DCAF8L2: variants seen among roughly 807,000 people sequenced by gnomAD.
The protein encoded by DCAF8L2 is DDB1- and CUL4-associated factor 8-like protein 2.
For synonymous variants in DCAF8L2, 200 were observed against 190.9 expected (o/e 1.05, Z -0.39); for missense variants, 430 against 490.7 (o/e 0.88, Z 1.17).
At chrX:27,642,978 A>C (rs1371782750) in intron 2 of DCAF8L2, among the ~76,000 whole-genome samples, 1 of 111,705 alleles carries the variant, frequency 9.0e-6, no homozygotes, top group Non-Finnish European at 1.9e-5. Flanking sequence ...TTTACCTTTT[A>C]ATATGATATT....
chrX:27,635,786 C>CGT (rs754830405), intron 2 of DCAF8L2, among the ~76,000 whole-genome samples: 7,113 of 90,089 alleles, frequency 0.079, 282 homozygotes, highest in East Asian at 0.094. Context: ...TTTCCTTTTA[C>CGT]GTGTGTGTGT....
intron 4 of DCAF8L2, among the ~76,000 whole-genome samples, chrX:27,729,891 T>C (rs1921089581): frequency 9.0e-6 from 1 of 111,727 alleles, no homozygotes; most frequent in Non-Finnish European, 1.9e-5. Flanking sequence ...AGATGAAAAA[T>C]ACTGAGTCCT....
chrX:27,480,953 G>A, the DCAF8L2 span, among the ~76,000 whole-genome samples: 1 of 112,027 alleles, frequency 8.9e-6, no homozygotes, highest in Non-Finnish European at 1.9e-5. Flanking sequence ...AACATTTCAG[G>A]AAGAATGTGT....
chrX:27,573,104 C>T, the DCAF8L2 span, among the ~76,000 whole-genome samples: 1 of 110,910 alleles, frequency 9.0e-6, no homozygotes, highest in Non-Finnish European at 1.9e-5. Flanking sequence ...ATATAGCTAC[C>T]AACACACTTT....
At chrX:27,486,624 C>T in the DCAF8L2 span, among the ~76,000 whole-genome samples, 1 of 111,246 alleles carries the variant, frequency 9.0e-6, no homozygotes, top group Non-Finnish European at 1.9e-5. Flanking sequence ...GCCATTGTCC[C>T]CTTTTCATGT....
intron 4 of DCAF8L2, among the ~76,000 whole-genome samples, chrX:27,734,730 C>A (rs1921421921): frequency 9.0e-6 from 1 of 111,666 alleles, no homozygotes; most frequent in African/African-American, 3.3e-5. Context: ...ATCTGTATTT[C>A]ATATATTACC....
the DCAF8L2 span, among the ~76,000 whole-genome samples, chrX:27,528,098 T>C: frequency 1.6e-4 from 9 of 57,437 alleles, no homozygotes; most frequent in Admixed American, 1.9e-3. Context: ...TAGACTAATT[T>C]TTAATTTAAT....
At chrX:27,487,666 C>G in the DCAF8L2 span, among the ~76,000 whole-genome samples, 1 of 112,388 alleles carries the variant, frequency 8.9e-6, no homozygotes, top group South Asian at 3.6e-4. Flanking sequence ...ATAAGATTCA[C>G]TGTTTTTAAG....
intron 2 of DCAF8L2, among the ~76,000 whole-genome samples, chrX:27,660,085 C>T (rs899588191): frequency 2.7e-5 from 3 of 111,649 alleles, no homozygotes; most frequent in Non-Finnish European, 5.6e-5. Flanking sequence ...TGCAACGGCG[C>T]GATCTCAGCT....
intron 1 of DCAF8L2, among the ~76,000 whole-genome samples, chrX:27,608,743 G>C (rs769521162): frequency 9.2e-6 from 1 of 109,248 alleles, no homozygotes; most frequent in African/African-American, 3.3e-5. Flanking sequence ...ACAGAAGAAG[G>C]TTCCTTCTCT....
the DCAF8L2 span, chrX:27,517,659 A>G: frequency 6.6e-6 from 4 of 610,529 alleles, no homozygotes; most frequent in Admixed American, 4.5e-5. Flanking sequence ...TCAAACTGGT[A>G]TAAGTGCTTT....
At chrX:27,492,520 C>T in the DCAF8L2 span, among the ~76,000 whole-genome samples, 1 of 103,411 alleles carries the variant, frequency 9.7e-6, no homozygotes, top group Non-Finnish European at 2.0e-5. Flanking sequence ...GCTCTTGTCA[C>T]CCAGGCTGGA....
intron 3 of DCAF8L2, among the ~76,000 whole-genome samples, chrX:27,706,272 T>C (rs935520904): frequency 9.0e-6 from 1 of 111,176 alleles, no homozygotes; most frequent in African/African-American, 3.3e-5. Context: ...ATTTTTGGCA[T>C]AGTATTGCCT....
chrX:27,549,364 T>C, the DCAF8L2 span, among the ~76,000 whole-genome samples: 8 of 109,270 alleles, frequency 7.3e-5, no homozygotes, highest in African/African-American at 2.6e-4. Context: ...TAATGATATT[T>C]AACTAACTGC....
chrX:27,566,505 G>A, the DCAF8L2 span, among the ~76,000 whole-genome samples: 1 of 109,950 alleles, frequency 9.1e-6, no homozygotes. Flanking sequence ...CTTCTTCTAG[G>A]TTATCTAGTT....
In DCAF8L2 at chrX:27,748,899, T is replaced by C; in HGVS notation, c.*108T>C. ...AGATTAATAGATTTGCTTTTTGTCTTCTATTTTCCATAATATATGCTGAAA... is the reference window on the plus strand; with the variant it reads ...AGATTAATAGATTTGCTTTTTGTCTCCTATTTTCCATAATATATGCTGAAA... On this transcript the variant is annotated 3_prime_UTR_variant, in exon 5 of 5. Transcript: ENST00000451261. The C allele has an allele frequency of 1.1e-6, 1 of 945,051 alleles. No individual in the cohort carries two copies. The allele number at this position is 945,051 out of a possible 1,213,427, so 77.9% of individuals were successfully genotyped here.
chrX:27,737,749 A>G (rs1921617650), intron 4 of DCAF8L2, among the ~76,000 whole-genome samples: 1 of 108,210 alleles, frequency 9.2e-6, no homozygotes, highest in African/African-American at 3.4e-5. Flanking sequence ...TTTCCAAATG[A>G]CAATCTGAAG....
intron 1 of DCAF8L2, among the ~76,000 whole-genome samples, chrX:27,622,839 T>G (rs915590042): frequency 9.0e-6 from 1 of 111,018 alleles, no homozygotes; most frequent in African/African-American, 3.3e-5. Context: ...ATGACTTTAT[T>G]TCTTAAGCTT....
At chrX:27,588,915 T>G (rs1257944247), upstream of DCAF8L2, among the ~76,000 whole-genome samples, 1 of 110,902 alleles carries the variant, frequency 9.0e-6, no homozygotes, top group African/African-American at 3.3e-5. Flanking sequence ...AGAAATGACT[T>G]AAGTAATATA....
Sources: gnomAD v4.1 joint callset for allele counts (sites outside exome capture counted in the v4.1 genomes callset) on GRCh38, gnomAD v4.1.1 for gene constraint, MANE v1.5 for transcripts, NCBI Gene and HGNC (gene_info 2026-07-23, HGNC 2026-07-21) for gene names.